SP4: variants seen among roughly 807,000 people sequenced by gnomAD.
The protein encoded by SP4 is transcription factor Sp4.
Under a neutral mutation model 72.8 loss-of-function variants are expected in SP4, and 19 were observed. That is an observed-to-expected ratio of 0.26 (90% CI 0.18 to 0.38). SP4 has a LOEUF of 0.38. Ranked by LOEUF, SP4 falls within the 10% of genes least tolerant of loss-of-function variation. The pLI is 1.00. For missense variants in SP4, 1,008 were observed against 926.3 expected (o/e 1.09, Z -1.14); for synonymous variants, 395 against 333.1 (o/e 1.19, Z -2.02).
intron 3 of SP4, among the ~76,000 whole-genome samples, chr7:21,445,819 T>C (rs1024643547): frequency 2.0e-5 from 3 of 152,148 alleles, no homozygotes; most frequent in African/African-American, 7.2e-5. Context: ...TTTAAAAGGA[T>C]TTTCTCTCTT....
At chr7:21,455,579 T>G (rs1783737670) in intron 3 of SP4, among the ~76,000 whole-genome samples, 1 of 152,196 alleles carries the variant, frequency 6.6e-6, no homozygotes, top group Admixed American at 6.5e-5. Flanking sequence ...TCTTAACCTT[T>G]GTAGTGTCTT....
intron 5 of SP4, among the ~76,000 whole-genome samples, chr7:21,498,137 C>A (rs899580407): frequency 6.6e-6 from 1 of 152,018 alleles, no homozygotes; most frequent in Non-Finnish European, 1.5e-5. Flanking sequence ...TATGTGGATT[C>A]CTCATCCTCA....
At chr7:21,506,687 A>G (rs752949938) in intron 5 of SP4, among the ~76,000 whole-genome samples, 7 of 152,008 alleles carry the variant, frequency 4.6e-5, no homozygotes, top group South Asian at 2.1e-4. Context: ...CCATCCATCA[A>G]TCTTTTGTAA....
chr7:21,477,107 A>C lies in SP4; in HGVS notation c.1707A>C (p.Lys569Asn). Reference protein sequence around the residue: ...AGQQQGQDGVKVQQATIAPVT... With the variant: ...AGQQQGQDGVNVQQATIAPVT... ...AGCAGCAAGGACAAGATGGAGTAAA[A>C]GTCCAGCAAGCTACTATAGCTCCTG... Residue 569 changes from lysine (K) to asparagine (N), a missense_variant, in exon 4 of 6, where the codon AAA (lysine) becomes AAC (asparagine). Physicochemically the swap from Lys to Asn is moderately conservative, Grantham distance 94. Transcript: ENST00000222584. 1.2e-6 allele frequency: 2 copies of C among 1,614,032 alleles called. No individual in the cohort carries two copies. The highest frequency in any genetic ancestry group is 1.7e-6 in the Non-Finnish European group (2 of 1,179,936).
rs1231927430 is a variant in SP4, at chr7:21,430,359, T to C, written c.1194T>C (p.Ile398=). The C allele has an allele frequency of 1.9e-6, 3 of 1,614,156 alleles. No individual in the cohort carries two copies. Among genetic ancestry groups the C allele is most frequent in the Non-Finnish European group, 2.5e-6 (3 of 1,180,036 alleles). The change falls in exon 3 of 6, where the codon ATT becomes ATC. Residue 398 remains isoleucine, a synonymous_variant. Transcript: ENST00000222584. ...CAAATTCTCTTCAGCAGGTGCAAAT[T>C]GTAGGCCAACCTATCTTACAGCAGA... The part of the protein sequence containing the change: ...DQSNSLQQVQ[I]VGQPILQQIQ...
chr7:21,457,032 A>T, intron 3 of SP4, among the ~76,000 whole-genome samples: 1 of 55,498 alleles, frequency 1.8e-5, no homozygotes, highest in African/African-American at 6.5e-5. Flanking sequence ...CCTAAGAAGG[A>T]AGGCATAGAG....
At chr7:21,433,909 C>T (rs1234266500) in intron 3 of SP4, among the ~76,000 whole-genome samples, 1 of 151,780 alleles carries the variant, frequency 6.6e-6, no homozygotes, top group East Asian at 1.9e-4. Context: ...CGCCATTGCA[C>T]TTCAGCCTGG....
In SP4 at chr7:21,477,401, T is replaced by C. The variant is rs1784533786; in HGVS notation, c.1907+94T>C. ...GCTGGGAATGATGGTCACTAGAACT[T>C]CATTACCTTTGTAGCCTAGAAGTTG... On this transcript the variant is annotated intron_variant, in intron 4 of 5. Coordinates refer to ENST00000222584, the MANE Select transcript of SP4 (RefSeq NM_003112.5). 6 of 737,504 alleles carry C rather than the reference T, an allele frequency of 8.1e-6. No homozygotes were observed. In the South Asian group the frequency reaches 9.9e-5, roughly 12 times the overall value. The allele number at this position is 737,504 out of a possible 1,614,324, so 45.7% of individuals were successfully genotyped here. A position where few individuals can be genotyped will look rare whatever the true frequency, so the allele number is the denominator to read the frequency against.
At chr7:21,459,876 G>A (rs1046394821) in intron 3 of SP4, among the ~76,000 whole-genome samples, 1 of 152,186 alleles carries the variant, frequency 6.6e-6, no homozygotes, top group African/African-American at 2.4e-5. Context: ...AAAGGTAGAA[G>A]CCTTTGCCTT....
intron 5 of SP4, among the ~76,000 whole-genome samples, chr7:21,503,645 G>T (rs1167906358): frequency 6.6e-6 from 1 of 152,170 alleles, no homozygotes; most frequent in Non-Finnish European, 1.5e-5. Context: ...CCCAGCAGTG[G>T]CTGTTGGAAG....
intron 3 of SP4, among the ~76,000 whole-genome samples, chr7:21,473,593 G>T (rs564528556): frequency 6.6e-6 from 1 of 152,148 alleles, no homozygotes; most frequent in South Asian, 2.1e-4. Context: ...ACAAAACTAG[G>T]TGATGATACA....
At chr7:21,449,667 C>T (rs1279113386) in intron 3 of SP4, among the ~76,000 whole-genome samples, 12 of 152,106 alleles carry the variant, frequency 7.9e-5, no homozygotes, top group Non-Finnish European at 1.6e-4. Context: ...TATAAGCTCC[C>T]TTTACAGATC....
chr7:21,430,891 C>A (rs1280558137), intron 3 of SP4, 48 bp downstream of exon 3: 2 of 1,368,114 alleles, frequency 1.5e-6, no homozygotes, highest in African/African-American at 1.4e-5. Flanking sequence ...TTTTTCATAA[C>A]AATTATTGCT....
rs118064466 is a variant in SP4 at position 21,430,776 on chromosome 7, C to T, written c.1611C>T (p.Ser537=). 7.4e-6 allele frequency: 12 copies of T among 1,614,192 alleles called. No individual in the cohort carries two copies. The highest frequency in any genetic ancestry group is 6.7e-5 in the East Asian group (3 of 44,892). ...LASVPNLQTV[S]VANLGAAGVQ... The stretch of plus-strand genomic sequence containing the variant: ...CAGTGCCTAACCTTCAGACAGTGAG[C>T]GTTGCCAACCTGGGTGCTGCAGGTG... The change falls in exon 3 of 6, where the codon AGC becomes AGT. Residue 537 remains serine (S), a synonymous_variant. Transcript: ENST00000222584.
At chr7:21,495,013 T>A (rs578212741) in intron 5 of SP4, among the ~76,000 whole-genome samples, 1 of 152,252 alleles carries the variant, frequency 6.6e-6, no homozygotes, top group East Asian at 1.9e-4. Context: ...TTTCAATAAA[T>A]TGTATAGAAG....
At chr7:21,505,097 T>C (rs1781961564) in intron 5 of SP4, among the ~76,000 whole-genome samples, 2 of 152,226 alleles carry the variant, frequency 1.3e-5, no homozygotes, top group Non-Finnish European at 2.9e-5. Context: ...GTTCTTCTTT[T>C]AGTAACTTGA....
At chr7:21,486,522 A>T (rs1784815747) in intron 5 of SP4, among the ~76,000 whole-genome samples, 1 of 151,950 alleles carries the variant, frequency 6.6e-6, no homozygotes, top group Admixed American at 6.6e-5. Flanking sequence ...GACACATTTG[A>T]AAGTGGTTTT....
At chr7:21,468,726 T>A (rs1338806901) in intron 3 of SP4, among the ~76,000 whole-genome samples, 1 of 152,136 alleles carries the variant, frequency 6.6e-6, no homozygotes, top group Non-Finnish European at 1.5e-5. Context: ...CTTTATTTCT[T>A]ATATAGATCT....
In SP4 at chr7:21,451,149, G is replaced by GT. The variant is rs536905777; in HGVS notation, c.1678+20312dup. ...AGTTTTATGCATGCTCTCTTGAGCTGTTTTTTCCCTTACCAGTCTAGTGCT... is the reference window on the plus strand; with the variant it reads ...AGTTTTATGCATGCTCTCTTGAGCTGTTTTTTTCCCTTACCAGTCTAGTGCT... On this transcript the variant is annotated intron_variant, in intron 3 of 5. Transcript: ENST00000222584. 4.0e-3 allele frequency among the ~76,000 whole-genome samples: 609 copies of GT among 152,304 alleles called. 4 individuals are homozygous for GT. The highest frequency in any genetic ancestry group is 6.8e-3 in the Middle Eastern group (2 of 294).
Sources: allele counts gnomAD v4.1 joint callset (sites outside exome capture counted in the v4.1 genomes callset), GRCh38; gene constraint gnomAD v4.1.1; transcripts MANE v1.5; gene names NCBI Gene and HGNC (gene_info 2026-07-23, HGNC 2026-07-21).